The following CHST7 variants were observed in gnomAD, a reference collection of about 807,000 sequenced individuals.
The protein encoded by CHST7 is carbohydrate sulfotransferase 7.
Under a neutral mutation model 9.0 loss-of-function variants are expected in CHST7, and 5 were observed. The ratio of observed to expected loss-of-function variants is 0.56; its 90% CI spans 0.29 to 1.17. The LOEUF (loss-of-function observed/expected upper bound fraction) is 1.17, where lower values mean the gene tolerates loss of function less well. Among genes scored for constraint, CHST7 ranks in the 50% most tolerant of loss-of-function variants. The probability of loss-of-function intolerance (pLI) is 0.08; values close to 1 mark genes in which losing one functional copy is unlikely to be tolerated. For synonymous variants in CHST7, 244 were observed against 237.1 expected, an observed-to-expected ratio of 1.03 and a Z score of -0.27; for missense variants, 377 against 485.1, an observed-to-expected ratio of 0.78 and a Z score of 2.09.
chrX:46,575,170 C>T lies in CHST7; in HGVS notation c.1239C>T (p.Ala413=). 2 of 1,098,743 alleles carry T rather than the reference C, an allele frequency of 1.8e-6. No individual in the cohort carries two copies. The highest frequency in any genetic ancestry group is 1.2e-6 in the Non-Finnish European group (1 of 849,233). 90.5% of individuals were successfully genotyped at this position (1,098,743 alleles called of 1,213,427 possible). A position where few individuals can be genotyped will look rare whatever the true frequency, so the allele number is the denominator to read the frequency against. ...AFALNMTRGA[A]YGADRPFHLS... ...CGCTCAACATGACTCGCGGCGCGGC[C>T]TACGGCGCCGACCGGCCCTTCCACC... is the stretch of plus-strand genomic sequence containing the variant. The change falls in exon 1 of 2, where the codon GCC becomes GCT. Residue 413 remains alanine, a synonymous_variant. Transcript: ENST00000276055.
At position 46,574,504 on chromosome X, in the gene CHST7, C is replaced by A. The variant is rs1239319163; in HGVS notation, c.573C>A (p.Ala191=). ...APDTANLTTA[A]LFRWRTNKVI... is the part of the protein sequence containing the mutation. The stretch of plus-strand genomic sequence containing the variant: ...ACACGGCCAATCTTACCACGGCCGC[C>A]CTCTTCCGCTGGCGGACTAACAAGG... The change falls in exon 1 of 2, where the codon GCC becomes GCA. Residue 191 remains alanine, a synonymous_variant. Coordinates refer to ENST00000276055, the MANE Select transcript of CHST7 (RefSeq NM_019886.4). 8.3e-7 allele frequency: 1 copy of A among 1,206,245 alleles called. No homozygotes were observed. The highest frequency in any genetic ancestry group is 1.7e-5 in the African/African-American group (1 of 57,434).
At chrX:46,592,716 T>G (rs1370098137) in intron 1 of CHST7, among the ~76,000 whole-genome samples, 1 of 110,533 alleles carries the variant, frequency 9.0e-6, no homozygotes, top group African/African-American at 3.3e-5. Flanking sequence ...CATTGTATTT[T>G]GATTGTTTTT....
At chrX:46,591,861 T>G (rs1211672250) in intron 1 of CHST7, among the ~76,000 whole-genome samples, 2 of 110,276 alleles carry the variant, frequency 1.8e-5, no homozygotes, top group Non-Finnish European at 3.8e-5. Context: ...ATGCTCTCCC[T>G]CCCATTGCCC....
At chrX:46,589,809 A>G (rs2033268035) in intron 1 of CHST7, among the ~76,000 whole-genome samples, 1 of 111,499 alleles carries the variant, frequency 9.0e-6, no homozygotes, top group Admixed American at 9.6e-5. Flanking sequence ...TTCAGGAACT[A>G]GAGGCCAACA....
rs1166399374 is a variant in CHST7, at chrX:46,574,046, G to A, written c.115G>A (p.Asp39Asn). ...PSVLDGGRDG[D>N]KGAEHCPGLQ... The stretch of plus-strand genomic sequence containing the variant: ...CGTATTGGACGGCGGCCGCGACGGG[G>A]ACAAGGGCGCCGAGCACTGCCCCGG... Residue 39 changes from aspartate (D) to asparagine (N), a missense_variant, in exon 1 of 2, where the codon GAC becomes AAC. Asp to Asn is a conservative substitution (Grantham distance 23). Transcript: ENST00000276055. 2 of 1,163,443 alleles carry A rather than the reference G, an allele frequency of 1.7e-6. No individual in the cohort carries two copies. Among genetic ancestry groups the A allele is most frequent in the East Asian group, 3.2e-5 (1 of 31,148 alleles).
chrX:46,592,218 A>AT (rs978925094), intron 1 of CHST7, among the ~76,000 whole-genome samples: 128 of 109,787 alleles, frequency 1.2e-3, no homozygotes, highest in African/African-American at 3.9e-3. Flanking sequence ...GTTTTTAGTA[A>AT]TTTTTTTTTC....
chrX:46,587,014 C>T (rs926036573), intron 1 of CHST7, among the ~76,000 whole-genome samples: 4 of 111,270 alleles, frequency 3.6e-5, no homozygotes, highest in Non-Finnish European at 5.7e-5. Context: ...GGATTACAGG[C>T]GTGAGCCACC....
chrX:46,583,158 G>A (rs1490261721), intron 1 of CHST7, among the ~76,000 whole-genome samples: 3 of 111,572 alleles, frequency 2.7e-5, no homozygotes, highest in Non-Finnish European at 3.8e-5. Flanking sequence ...TGTGTCTGAC[G>A]TTCCAGTTGA....
rs1942492223 is a variant in CHST7, at chrX:46,575,174, G to C, written c.1243G>C (p.Gly415Arg). The C allele has an allele frequency of 1.8e-6, 2 of 1,097,233 alleles. No homozygotes were observed. The highest frequency in any genetic ancestry group is 3.9e-5 in the East Asian group (1 of 25,769). The allele number at this position is 1,097,233 out of a possible 1,213,427, so 90.4% of individuals were successfully genotyped here. The change falls in exon 1 of 2, where the codon GGC becomes CGC. Residue 415 changes from glycine (G) to arginine (R), a missense_variant. Transcript: ENST00000276055. ...ALNMTRGAAY[G>R]ADRPFHLSAR... ...CAACATGACTCGCGGCGCGGCCTAC[G>C]GCGCCGACCGGCCCTTCCACCTGTC...
At chrX:46,588,823 T>C (rs1942561082) in intron 1 of CHST7, among the ~76,000 whole-genome samples, 2 of 111,797 alleles carry the variant, frequency 1.8e-5, no homozygotes, top group African/African-American at 6.5e-5. Context: ...ACAAAAAACC[T>C]TTTATGCGTG....
At chrX:46,596,124 C>A (rs1441386930) in intron 1 of CHST7, among the ~76,000 whole-genome samples, 1 of 103,466 alleles carries the variant, frequency 9.7e-6, no homozygotes, top group African/African-American at 3.6e-5. Context: ...GGTGACAGAG[C>A]TAGACTCTGT....
chrX:46,575,502 G>A (rs1942495135), intron 1 of CHST7, 79 bp downstream of exon 1: 3 of 826,660 alleles, frequency 3.6e-6, no homozygotes, highest in Non-Finnish European at 4.7e-6. Context: ...GGGAAGTGTA[G>A]GGGGGAGGGT....
chrX:46,583,235 T>C (rs1056599666), intron 1 of CHST7, among the ~76,000 whole-genome samples: 2 of 111,701 alleles, frequency 1.8e-5, no homozygotes, highest in Admixed American at 9.5e-5. Context: ...TCTTGCTTCA[T>C]AGTGGAAATA....
In CHST7 at chrX:46,574,921, G is replaced by A. The variant is rs1942489128; in HGVS notation, c.990G>A (p.Ala330=). The change falls in exon 1 of 2, where the codon GCG becomes GCA. Residue 330 remains alanine (A), a synonymous_variant. Coordinates refer to ENST00000276055, the MANE Select transcript of CHST7 (RefSeq NM_019886.4). ...VGARPGGQSR[A]LPAAPRADFF... is the part of the protein sequence containing the mutation. ...CTCGCCCCGGGGGCCAGTCTCGCGC[G>A]CTGCCCGCCGCGCCGCGCGCCGATT... 8.7e-7 allele frequency: 1 copy of A among 1,144,309 alleles called. No individual in the cohort carries two copies. Among genetic ancestry groups the A allele is most frequent in the Non-Finnish European group, 1.2e-6 (1 of 869,499 alleles). 94.3% of individuals were successfully genotyped at this position (1,144,309 alleles called of 1,213,427 possible).
Position 46,575,034 on chromosome X carries a change from G to T in CHST7, c.1103G>T (p.Arg368Leu). 1 of 1,126,554 alleles carries T rather than the reference G, an allele frequency of 8.9e-7. No individual in the cohort carries two copies. Among genetic ancestry groups the T allele is most frequent in the South Asian group, 2.1e-5 (1 of 47,353 alleles). 92.8% of individuals were successfully genotyped at this position (1,126,554 alleles called of 1,213,427 possible). A position where few individuals can be genotyped will look rare whatever the true frequency, so the allele number is the denominator to read the frequency against. ...FARGAPAWLR[R>L]RYLRLRYEDL... ...CGCGGCGCGCCCGCCTGGCTGCGGC[G>T]CCGCTACCTGAGGCTGCGCTATGAG... is the stretch of plus-strand genomic sequence containing the variant. Residue 368 changes from arginine to leucine, a missense_variant, in exon 1 of 2, where the codon CGC (arginine) becomes CTC (leucine). Transcript: ENST00000276055.
At chrX:46,578,555 C>G (rs1316738181) in intron 1 of CHST7, among the ~76,000 whole-genome samples, 1 of 94,239 alleles carries the variant, frequency 1.1e-5, no homozygotes, top group Non-Finnish European at 2.0e-5. Flanking sequence ...TGCACACCAC[C>G]ACTCAATCTC....
chrX:46,595,707 C>G (rs1458513979), intron 1 of CHST7, among the ~76,000 whole-genome samples: 1 of 111,455 alleles, frequency 9.0e-6, no homozygotes, highest in Non-Finnish European at 1.9e-5. Context: ...CCTCAGTTGC[C>G]AAGGTTCCTA....
intron 1 of CHST7, among the ~76,000 whole-genome samples, chrX:46,579,092 T>C (rs1033889737): frequency 5.1e-4 from 56 of 110,866 alleles, no homozygotes; most frequent in African/African-American, 1.8e-3. Flanking sequence ...GTTCATCCCC[T>C]GGGCCAGATG....
chrX:46,592,854 CATGT>C (rs1219744259), intron 1 of CHST7, among the ~76,000 whole-genome samples: 6 of 106,104 alleles, frequency 5.7e-5, no homozygotes, highest in Non-Finnish European at 7.7e-5. Context: ...CTTTTTTTCT[CATGT>C]ATGTATCTAG....
Sources: allele counts gnomAD v4.1 joint callset (sites outside exome capture counted in the v4.1 genomes callset), GRCh38; gene constraint gnomAD v4.1.1; transcripts MANE v1.5; gene names NCBI Gene and HGNC (gene_info 2026-07-23, HGNC 2026-07-21).